RGL1: variants seen among roughly 807,000 people sequenced by gnomAD.
RGL1 encodes the protein ral guanine nucleotide dissociation stimulator like 1.
A neutral mutation model predicts 95.2 loss-of-function variants in RGL1; 24 were observed. The ratio of observed to expected loss-of-function variants is 0.25; its 90% CI spans 0.18 to 0.35. RGL1 has a LOEUF of 0.35. Ranked by LOEUF, RGL1 falls within the 10% of genes least tolerant of loss-of-function variation. The pLI, the probability that RGL1 is intolerant of heterozygous loss-of-function variation, is 1.00. For synonymous variants in RGL1, 329 were observed against 344.9 expected, an observed-to-expected ratio of 0.95 and a Z score of 0.51; for missense variants, 715 against 936.3, an observed-to-expected ratio of 0.76 and a Z score of 3.08.
chr1:183,644,236 C>T (rs569235887), intron 1 of RGL1, among the ~76,000 whole-genome samples: 83 of 152,280 alleles, frequency 5.5e-4, no homozygotes, highest in African/African-American at 1.9e-3. Context: ...TTGGGTTTAA[C>T]GCTCAGCTCA....
chr1:183,829,701 C>G (rs1293397178), intron 2 of RGL1, among the ~76,000 whole-genome samples: 1 of 152,202 alleles, frequency 6.6e-6, no homozygotes, highest in Non-Finnish European at 1.5e-5. Flanking sequence ...TTCCACCACT[C>G]TCCCTTGGTT....
chr1:183,742,217 C>G (rs1482092980), exon 2 of RGL1: 1 of 1,614,058 alleles, frequency 6.2e-7, no homozygotes, highest in South Asian at 1.1e-5. Flanking sequence ...AACTTTCCAC[C>G]AAGGTAGAAA....
chr1:183,898,016 C>A, intron 10 of RGL1, 119 bp downstream of exon 10: 2 of 733,542 alleles, frequency 2.7e-6, no homozygotes, highest in Non-Finnish European at 4.6e-6. Context: ...CAGAAAGGGT[C>A]TCCCATTCTC....
At chr1:183,832,365 G>A (rs1663320316) in intron 2 of RGL1, among the ~76,000 whole-genome samples, 1 of 152,194 alleles carries the variant, frequency 6.6e-6, no homozygotes, top group South Asian at 2.1e-4. Context: ...AGAGTTGTCT[G>A]TGAATTATTC....
At chr1:183,874,970 T>C (rs967594544) in intron 4 of RGL1, among the ~76,000 whole-genome samples, 13 of 152,186 alleles carry the variant, frequency 8.5e-5, no homozygotes, top group African/African-American at 2.9e-4. Flanking sequence ...CAAAGTGTAT[T>C]AGATCCTGCC....
intron 3 of RGL1, 152 bp downstream of exon 3, chr1:183,847,926 A>T (rs2102538199): frequency 3.2e-6 from 2 of 627,372 alleles, no homozygotes; most frequent in South Asian, 4.1e-5. Flanking sequence ...AAATGAAAAG[A>T]AGATCATTCA....
upstream of RGL1, among the ~76,000 whole-genome samples, chr1:183,804,582 C>G (rs796454191): frequency 4.6e-5 from 7 of 152,290 alleles, no homozygotes; most frequent in African/African-American, 1.7e-4. Flanking sequence ...CTTCCCACCC[C>G]CAATGGCCAG....
At position 183,891,733 on chromosome 1, in the gene RGL1, GTT is replaced by G. The variant is rs57974956; in HGVS notation, c.1056-318_1056-317del. Among the ~76,000 whole-genome samples, 695 of 123,710 alleles carry G rather than the reference GTT, an allele frequency of 5.6e-3. 6 individuals are homozygous for G. Among genetic ancestry groups the G allele is most frequent in the African/African-American group, 0.02 (663 of 33,420 alleles). The allele number at this position is 123,710 out of a possible 152,430, so 81.2% of individuals were successfully genotyped here. On this transcript the variant is annotated intron_variant, in intron 8 of 17. Coordinates refer to ENST00000360851, the MANE Select transcript of RGL1 (RefSeq NM_001297671.3). ...ATCTGTGGGCTCTGTGTGTGTAACA[GTT>G]TTTTTTTTTTTTTTTTTTTTTTTTT...
At chr1:183,701,385 G>A (rs1362719428) in intron 1 of RGL1, among the ~76,000 whole-genome samples, 1 of 152,230 alleles carries the variant, frequency 6.6e-6, no homozygotes, top group African/African-American at 2.4e-5. Context: ...ACTGATGACA[G>A]AGAATAGGAG....
At chr1:183,805,053 T>C (rs1661189224), upstream of RGL1, 2 of 383,728 alleles carry the variant, frequency 5.2e-6, no homozygotes, top group Non-Finnish European at 9.3e-6. Context: ...AGGAAAGCCT[T>C]ACATCACGGA....
rs1454969960 is a variant in RGL1 at position 183,666,136 on chromosome 1, G to T, written c.-33+29635G>T. Among the ~76,000 whole-genome samples, 4 of 151,318 alleles carry T rather than the reference G, an allele frequency of 2.6e-5. No individual in the cohort carries two copies. In the East Asian group the frequency reaches 7.8e-4, roughly 29 times the overall value. ...TTCTCCTGCCTCAGCCTCCAGAGTA[G>T]CTGGGATTACAGGCATGCACCACCA... On this transcript the variant is annotated intron_variant, in intron 1 of 18. Coordinates refer to the RGL1 transcript ENST00000304685.
intron 1 of RGL1, among the ~76,000 whole-genome samples, chr1:183,710,431 G>A (rs1302491578): frequency 6.6e-6 from 1 of 152,150 alleles, no homozygotes; most frequent in Non-Finnish European, 1.5e-5. Flanking sequence ...TTGAACTCCT[G>A]AAAGGCATGA....
chr1:183,790,186 C>T (rs1211822419), intron 2 of RGL1, among the ~76,000 whole-genome samples: 5 of 152,094 alleles, frequency 3.3e-5, no homozygotes, highest in African/African-American at 4.8e-5. Context: ...CTCAGCCTCC[C>T]AAAGTGTTGG....
At position 183,704,440 on chromosome 1, in the gene RGL1, G is replaced by C. The variant is rs551195114; in HGVS notation, c.-32-37686G>C. On this transcript the variant is annotated intron_variant, in intron 1 of 18. Transcript: ENST00000304685. Reference sequence around the variant, plus strand: ...TCAGCTTTTTGGGAGGTGGTTCTTAGAGGGAGCATATTGGCTTCAATAGTG... The same window carrying C: ...TCAGCTTTTTGGGAGGTGGTTCTTACAGGGAGCATATTGGCTTCAATAGTG... Among the ~76,000 whole-genome samples, 6 of 152,270 alleles carry C rather than the reference G, an allele frequency of 3.9e-5. No individual in the cohort carries two copies. In the South Asian group the frequency reaches 1.2e-3, roughly 32 times the overall value.
intron 3 of RGL1, among the ~76,000 whole-genome samples, chr1:183,858,491 A>G (rs1264535909): frequency 2.0e-5 from 3 of 152,306 alleles, no homozygotes; most frequent in Middle Eastern, 3.4e-3. Flanking sequence ...TCCTAGCTTT[A>G]TTATAACTGG....
At chr1:183,905,810 T>TA (rs1553304910) in intron 13 of RGL1, among the ~76,000 whole-genome samples, 1 of 151,824 alleles carries the variant, frequency 6.6e-6, no homozygotes, top group African/African-American at 2.4e-5. Context: ...ATGATTGGGG[T>TA]GGGGGGGAAC....
Position 183,646,656 on chromosome 1 carries a change from A to G in RGL1, c.-33+10155A>G, listed in dbSNP as rs185408298. ...CACTGGTGACGAGGATGGAGTCAGA[A>G]AGAGGGAAGTAAAACACACATTATG... On this transcript the variant is annotated intron_variant, in intron 1 of 18. Transcript: ENST00000304685. The G allele has an allele frequency of 1.7e-4, 26 of 152,342 alleles. No homozygotes were observed. The East Asian group carries it at 4.2e-3, about 25-fold the overall frequency. The allele number at this position is 152,342 out of a possible 1,614,324, so 9.4% of individuals were successfully genotyped here.
intron 3 of RGL1, among the ~76,000 whole-genome samples, chr1:183,849,403 CATA>C (rs1664666164): frequency 6.6e-6 from 1 of 150,816 alleles, no homozygotes; most frequent in African/African-American, 2.4e-5. Flanking sequence ...ATGAATCTAT[CATA>C]ATCTTTTCAA....
At position 183,714,860 on chromosome 1, in the gene RGL1, C is replaced by T. The variant is rs540343979; in HGVS notation, c.-32-27266C>T. Among the ~76,000 whole-genome samples, 17 of 152,238 alleles carry T rather than the reference C, an allele frequency of 1.1e-4. 1 individual carries two copies. Among genetic ancestry groups the T allele is most frequent in the Admixed American group, 1.0e-3 (16 of 15,278 alleles). On this transcript the variant is annotated intron_variant, in intron 1 of 18. Transcript: ENST00000304685. Reference sequence around the variant, plus strand: ...GAGTCTTGGAGAGTACATGAAGACCCGTTGCTCACAGGGTGTGAACTGGGA... The same window carrying T: ...GAGTCTTGGAGAGTACATGAAGACCTGTTGCTCACAGGGTGTGAACTGGGA...
Sources: allele counts gnomAD v4.1 joint callset (sites outside exome capture counted in the v4.1 genomes callset), GRCh38; gene constraint gnomAD v4.1.1; transcripts MANE v1.5; gene names NCBI Gene and HGNC (gene_info 2026-07-23, HGNC 2026-07-21).